PRKG1: variants seen among roughly 807,000 people sequenced by gnomAD.
The protein encoded by PRKG1 is cGMP-dependent protein kinase 1.
In PRKG1, 35 loss-of-function variants were observed where a neutral mutation model predicts 88.1. The observed-to-expected ratio is 0.40, with a 90% CI of 0.30 to 0.53. PRKG1 has a LOEUF of 0.53. Ranked by LOEUF, PRKG1 falls within the 20% of genes least tolerant of loss-of-function variation. The pLI is 0.59. For synonymous variants in PRKG1, 303 were observed against 292.5 expected (o/e 1.04, Z -0.37); for missense variants, 540 against 839.8 (o/e 0.64, Z 4.41).
At chr10:51,106,729 G>C (rs1284724222) in intron 1 of PRKG1, among the ~76,000 whole-genome samples, 1 of 152,112 alleles carries the variant, frequency 6.6e-6, no homozygotes, top group Non-Finnish European at 1.5e-5. Flanking sequence ...ATTAAGTTGT[G>C]GTTTGAATAT....
rs1453137159 is a variant in PRKG1, at chr10:51,439,711, G to A, written c.479-28012G>A. ...ATGAATATCCACTAGCAGCTTCTTCGAGGCCCTCAAGGGCAGGATGTTCTC... is the reference window on the plus strand; with the variant it reads ...ATGAATATCCACTAGCAGCTTCTTCAAGGCCCTCAAGGGCAGGATGTTCTC... On this transcript the variant is annotated intron_variant, in intron 2 of 17. Coordinates refer to ENST00000373980, the MANE Select transcript of PRKG1 (RefSeq NM_006258.4). Among the ~76,000 whole-genome samples, 4 of 151,812 alleles carry A rather than the reference G, an allele frequency of 2.6e-5. No homozygotes were observed. In the East Asian group the frequency reaches 5.8e-4, roughly 22 times the overall value.
chr10:51,735,930 C>CTTTTTTTTTTTTTTTT (rs1180307253), intron 3 of PRKG1, among the ~76,000 whole-genome samples: 1 of 74,952 alleles, frequency 1.3e-5, no homozygotes, highest in Admixed American at 1.6e-4. Flanking sequence ...TTTAAGTTGT[C>CTTTTTTTTTTTTTTTT]TTTTTTTTTT....
At chr10:51,185,504 A>T (rs2132032281) in intron 2 of PRKG1, among the ~76,000 whole-genome samples, 1 of 152,168 alleles carries the variant, frequency 6.6e-6, no homozygotes. Context: ...AAAGGTGTTT[A>T]TTTTAGAATA....
At chr10:51,150,006 G>T (rs912418612) in intron 1 of PRKG1, among the ~76,000 whole-genome samples, 1 of 151,926 alleles carries the variant, frequency 6.6e-6, no homozygotes, top group African/African-American at 2.4e-5. Context: ...TGGGTGTTTA[G>T]ATTTAAAAAG....
intron 7 of PRKG1, among the ~76,000 whole-genome samples, chr10:52,074,285 G>A (rs1054295521): frequency 2.0e-5 from 3 of 152,116 alleles, no homozygotes; most frequent in Non-Finnish European, 4.4e-5. Flanking sequence ...CTAAGGGCCC[G>A]CTTACATGAA....
chr10:51,517,484 C>G (rs562154952), intron 3 of PRKG1, among the ~76,000 whole-genome samples: 1 of 152,112 alleles, frequency 6.6e-6, no homozygotes, highest in East Asian at 1.9e-4. Context: ...GGACAGCAGG[C>G]GTCAAGGATG....
At chr10:52,171,485 T>C (rs758399027) in intron 9 of PRKG1, among the ~76,000 whole-genome samples, 2 of 152,148 alleles carry the variant, frequency 1.3e-5, no homozygotes, top group South Asian at 4.1e-4. Context: ...GGGCAAAATA[T>C]AGGGGACGAA....
At chr10:51,211,614 A>G (rs1464754371) in intron 2 of PRKG1, among the ~76,000 whole-genome samples, 1 of 152,242 alleles carries the variant, frequency 6.6e-6, no homozygotes, top group African/African-American at 2.4e-5. Context: ...CAACTTTAGC[A>G]AAGTCTCAGG....
At chr10:51,275,753 C>T (rs1398561808) in intron 2 of PRKG1, among the ~76,000 whole-genome samples, 1 of 151,900 alleles carries the variant, frequency 6.6e-6, no homozygotes, top group Non-Finnish European at 1.5e-5. Flanking sequence ...ACAAATGGCC[C>T]CCAAAAAAGA....
intron 4 of PRKG1, among the ~76,000 whole-genome samples, chr10:51,850,043 A>G (rs927278812): frequency 1.4e-5 from 2 of 140,816 alleles, no homozygotes; most frequent in African/African-American, 6.5e-5. Flanking sequence ...TCAAATAGAT[A>G]AGGATTTGAA....
At chr10:51,768,786 T>C (rs1430883224) in intron 3 of PRKG1, among the ~76,000 whole-genome samples, 5 of 152,190 alleles carry the variant, frequency 3.3e-5, no homozygotes, top group Non-Finnish European at 7.4e-5. Flanking sequence ...GTTAACTAGC[T>C]TAAACAGTAA....
At chr10:51,974,935 A>C (rs186570547) in intron 5 of PRKG1, among the ~76,000 whole-genome samples, 1 of 152,110 alleles carries the variant, frequency 6.6e-6, no homozygotes, top group East Asian at 1.9e-4. Context: ...TTGGTGCCCA[A>C]CTACGTAGAA....
chr10:51,427,174 G>C (rs1245621893), intron 2 of PRKG1, among the ~76,000 whole-genome samples: 1 of 152,084 alleles, frequency 6.6e-6, no homozygotes, highest in Non-Finnish European at 1.5e-5. Context: ...GAAAAGCAAA[G>C]AAAACATGAA....
intron 1 of PRKG1, among the ~76,000 whole-genome samples, chr10:51,112,025 T>C (rs1293627325): frequency 6.6e-6 from 1 of 152,268 alleles, no homozygotes. Flanking sequence ...AAAGCATTGT[T>C]TTATGGATGG....
chr10:51,672,026 C>T (rs1219974526), intron 3 of PRKG1, among the ~76,000 whole-genome samples: 1 of 149,160 alleles, frequency 6.7e-6, no homozygotes, highest in Non-Finnish European at 1.5e-5. Flanking sequence ...CAGTGTTGTG[C>T]CTTTTTGTAA....
intron 3 of PRKG1, among the ~76,000 whole-genome samples, chr10:51,648,963 G>C (rs906106702): frequency 3.3e-5 from 5 of 152,132 alleles, no homozygotes; most frequent in Non-Finnish European, 5.9e-5. Flanking sequence ...CAACACTTTG[G>C]TAGGATGAGG....
intron 2 of PRKG1, among the ~76,000 whole-genome samples, chr10:51,344,555 C>T (rs933047526): frequency 2.0e-5 from 3 of 152,164 alleles, no homozygotes; most frequent in Non-Finnish European, 4.4e-5. Context: ...ATCATTCTAG[C>T]TTAGTCAGTT....
At chr10:51,565,386 G>A (rs759848864) in intron 3 of PRKG1, among the ~76,000 whole-genome samples, 3 of 151,966 alleles carry the variant, frequency 2.0e-5, no homozygotes, top group Non-Finnish European at 2.9e-5. Context: ...CCCTGCTGCT[G>A]TTCTCTTGCT....
At chr10:51,712,573 A>G (rs1030347627) in intron 3 of PRKG1, among the ~76,000 whole-genome samples, 2 of 131,632 alleles carry the variant, frequency 1.5e-5, no homozygotes, top group African/African-American at 5.7e-5. Flanking sequence ...ACTCTAAAAT[A>G]TTATTCCTTT....
Sources: allele counts gnomAD v4.1 joint callset (sites outside exome capture counted in the v4.1 genomes callset), GRCh38; gene constraint gnomAD v4.1.1; transcripts MANE v1.5; gene names NCBI Gene and HGNC (gene_info 2026-07-23, HGNC 2026-07-21).